Variants in SAE1 observed in about 807,000 individuals in gnomAD.
SAE1 encodes SUMO1 activating enzyme subunit 1, also known as SUMO-activating enzyme subunit 1.
In SAE1, 11 loss-of-function variants were observed where a neutral mutation model predicts 40.6. The ratio of observed to expected loss-of-function variants is 0.27; its 90% CI spans 0.17 to 0.45. The LOEUF (loss-of-function observed/expected upper bound fraction) is 0.45, where lower values mean the gene tolerates loss of function less well. Among genes scored for constraint, SAE1 ranks in the 20% least tolerant of loss-of-function variants. SAE1 has a pLI of 1.00. For synonymous variants in SAE1, 155 were observed against 154.3 expected (o/e 1.00, Z -0.03); for missense variants, 373 against 427.3 (o/e 0.87, Z 1.12).
At chr19:47,192,976 C>T (rs1349140594) in intron 6 of SAE1, among the ~76,000 whole-genome samples, 1 of 151,956 alleles carries the variant, frequency 6.6e-6, no homozygotes, top group Non-Finnish European at 1.5e-5. Flanking sequence ...GGAATACCAG[C>T]AGGACATCTA....
chr19:47,186,197 G>A (rs374840423), intron 6 of SAE1, among the ~76,000 whole-genome samples: 1 of 151,736 alleles, frequency 6.6e-6, no homozygotes. Context: ...CCGAGATCCC[G>A]CCACTGCATT....
chr19:47,173,719 C>T (rs2058449439), intron 6 of SAE1, among the ~76,000 whole-genome samples: 1 of 152,112 alleles, frequency 6.6e-6, no homozygotes, highest in Admixed American at 6.6e-5. Context: ...GCCACATGTC[C>T]CCAGTTGAGA....
chr19:47,173,650 G>A (rs1028545451), intron 6 of SAE1, among the ~76,000 whole-genome samples: 1 of 151,992 alleles, frequency 6.6e-6, no homozygotes, highest in African/African-American at 2.4e-5. Flanking sequence ...CTACTCACTA[G>A]ATGCCAGTAA....
At chr19:47,194,747 CTTTT>C (rs1232339267) in intron 6 of SAE1, among the ~76,000 whole-genome samples, 7 of 124,868 alleles carry the variant, frequency 5.6e-5, no homozygotes, top group Admixed American at 8.2e-5. Context: ...GTTAATCAGT[CTTTT>C]TTTTTTTTTT....
At chr19:47,182,715 G>A (rs1480612974) in intron 6 of SAE1, among the ~76,000 whole-genome samples, 1 of 152,066 alleles carries the variant, frequency 6.6e-6, no homozygotes, top group East Asian at 1.9e-4. Flanking sequence ...TGCAAGAGAG[G>A]TTCAGCACCA....
At chr19:47,168,010 T>C (rs545250411) in intron 5 of SAE1, among the ~76,000 whole-genome samples, 6 of 152,116 alleles carry the variant, frequency 3.9e-5, no homozygotes, top group Non-Finnish European at 8.8e-5. Context: ...CTGGGCAATA[T>C]AGTGAAATCC....
intron 2 of SAE1, among the ~76,000 whole-genome samples, chr19:47,145,045 C>G (rs1439541031): frequency 6.6e-6 from 1 of 151,850 alleles, no homozygotes; most frequent in Non-Finnish European, 1.5e-5. Flanking sequence ...TCTTGTTGCC[C>G]AGGCTGGAGT....
At chr19:47,202,137 A>G (rs1038452654) in intron 7 of SAE1, among the ~76,000 whole-genome samples, 5 of 152,132 alleles carry the variant, frequency 3.3e-5, no homozygotes, top group Non-Finnish European at 7.3e-5. Context: ...TAGCATTGCT[A>G]TATTTAGAAA....
chr19:47,201,105 G>A (rs748988073), intron 7 of SAE1, among the ~76,000 whole-genome samples: 7 of 151,458 alleles, frequency 4.6e-5, no homozygotes, highest in Non-Finnish European at 7.4e-5. Context: ...GCAATGGCCC[G>A]ATCTTGGCTC....
chr19:47,162,068 C>T (rs1448228887), intron 5 of SAE1, among the ~76,000 whole-genome samples: 1 of 152,208 alleles, frequency 6.6e-6, no homozygotes, highest in Admixed American at 6.5e-5. Flanking sequence ...CACATGTGGC[C>T]ATTGGCATCT....
At chr19:47,166,103 T>G (rs2058390619) in intron 5 of SAE1, among the ~76,000 whole-genome samples, 1 of 152,178 alleles carries the variant, frequency 6.6e-6, no homozygotes, top group Admixed American at 6.5e-5. Context: ...CTCAGGACTT[T>G]TTGTGGGCTG....
chr19:47,137,626 A>T (rs2058188962), intron 1 of SAE1, among the ~76,000 whole-genome samples: 1 of 151,080 alleles, frequency 6.6e-6, no homozygotes, highest in Admixed American at 6.6e-5. Context: ...GCCCCCAAGT[A>T]GCTGGGACCA....
chr19:47,184,787 TTTTTGTTTTGTTTTTGTTTTGTTTTG>T (rs1224234103), intron 6 of SAE1, among the ~76,000 whole-genome samples: 2 of 147,790 alleles, frequency 1.4e-5, no homozygotes, highest in Non-Finnish European at 1.5e-5. Flanking sequence ...GTTTTTTTTG[TTTTTGTTTTGTTTTTGTTTTGTTTTG>T]TTTTGTTTTG....
At chr19:47,142,839 C>T (rs1423221616) in intron 1 of SAE1, among the ~76,000 whole-genome samples, 7 of 152,284 alleles carry the variant, frequency 4.6e-5, no homozygotes, top group East Asian at 1.9e-4. Context: ...TCTCAAATAG[C>T]GTTCTCCATC....
chr19:47,134,899 A>G (rs1315710969), intron 1 of SAE1, among the ~76,000 whole-genome samples: 1 of 152,132 alleles, frequency 6.6e-6, no homozygotes, highest in Non-Finnish European at 1.5e-5. Flanking sequence ...GGTGGAGAAC[A>G]TGAAAAGGAT....
rs57568797 is a variant in SAE1 at position 47,201,360 on chromosome 19, C to CTTTTTTTT, written c.879-2289_879-2282dup. 6.6e-3 allele frequency among the ~76,000 whole-genome samples: 436 copies of CTTTTTTTT among 66,208 alleles called. 75 individuals are homozygous for CTTTTTTTT. The highest frequency in any genetic ancestry group is 0.018 in the African/African-American group (268 of 15,036). 43.4% of individuals were successfully genotyped at this position (66,208 alleles called of 152,430 possible). ...CTGCACCTGGCCTGTTATCTGGTTC[C>CTTTTTTTT]TTTTTTTTTTTTTTTTTTTTTTTTT... On this transcript the variant is annotated intron_variant, in intron 7 of 8. Transcript: ENST00000270225.
intron 6 of SAE1, among the ~76,000 whole-genome samples, chr19:47,194,249 G>A (rs1013861145): frequency 2.0e-5 from 3 of 152,176 alleles, no homozygotes; most frequent in Non-Finnish European, 4.4e-5. Flanking sequence ...ATTCTACTTA[G>A]AGAATGGCCC....
intron 5 of SAE1, among the ~76,000 whole-genome samples, chr19:47,161,699 G>A (rs1440981515): frequency 6.6e-6 from 1 of 152,142 alleles, no homozygotes; most frequent in Admixed American, 6.6e-5. Context: ...AAACATTACT[G>A]GTATGGTGAG....
intron 5 of SAE1, 50 bp downstream of exon 5, chr19:47,155,263 G>A (rs762594994): frequency 3.2e-6 from 4 of 1,244,676 alleles, no homozygotes; most frequent in Non-Finnish European, 4.7e-6. Flanking sequence ...CCTTGGAGGG[G>A]TCAGGCAATG....
Sources: gnomAD v4.1 joint callset for allele counts (sites outside exome capture counted in the v4.1 genomes callset) on GRCh38, gnomAD v4.1.1 for gene constraint, MANE v1.5 for transcripts, NCBI Gene and HGNC (gene_info 2026-07-23, HGNC 2026-07-21) for gene names.